Variants in NRXN3 observed in about 807,000 individuals in gnomAD.
The protein encoded by NRXN3 is neurexin 3, also known as neurexin III.
Under a neutral mutation model 137.6 loss-of-function variants are expected in NRXN3, and 32 were observed. That is an observed-to-expected ratio of 0.23 (90% CI 0.18 to 0.31). The LOEUF is 0.31. Among genes scored for constraint, NRXN3 ranks in the 10% least tolerant of loss-of-function variants. The probability of loss-of-function intolerance (pLI) is 1.00; values close to 1 mark genes in which losing one functional copy is unlikely to be tolerated. For missense variants in NRXN3, 1,574 were observed against 2,062.5 expected, an observed-to-expected ratio of 0.76 and a Z score of 4.59; for synonymous variants, 798 against 784.5, an observed-to-expected ratio of 1.02 and a Z score of -0.29.
chr14:78,491,239 C>T (rs562909315), intron 4 of NRXN3, among the ~76,000 whole-genome samples: 13 of 152,222 alleles, frequency 8.5e-5, no homozygotes, highest in African/African-American at 2.2e-4. Flanking sequence ...TTATGAGTCT[C>T]GTAAACCTGC....
intron 19 of NRXN3, among the ~76,000 whole-genome samples, chr14:79,717,462 T>A (rs2098827496): frequency 6.6e-6 from 1 of 152,218 alleles, no homozygotes; most frequent in Admixed American, 6.5e-5. Context: ...TGTAGTAAGA[T>A]CTTCAGGAAA....
At chr14:78,954,212 CT>C (rs1319534953) in intron 10 of NRXN3, among the ~76,000 whole-genome samples, 6 of 152,120 alleles carry the variant, frequency 3.9e-5, no homozygotes, top group Non-Finnish European at 8.8e-5. Context: ...ATCACTTTTC[CT>C]CTGTAGAATG....
chr14:79,411,601 C>T (rs2095417568), intron 15 of NRXN3, among the ~76,000 whole-genome samples: 2 of 152,028 alleles, frequency 1.3e-5, no homozygotes. Flanking sequence ...TTTTAAACAA[C>T]CATGTTATAC....
intron 20 of NRXN3, among the ~76,000 whole-genome samples, chr14:79,815,908 T>G (rs2140935081): frequency 6.6e-6 from 1 of 152,284 alleles, no homozygotes; most frequent in East Asian, 1.9e-4. Flanking sequence ...TTTTAAGTTT[T>G]TAATTACCTG....
intron 15 of NRXN3, among the ~76,000 whole-genome samples, chr14:79,230,575 G>T (rs986699918): frequency 1.3e-5 from 2 of 152,170 alleles, no homozygotes; most frequent in Non-Finnish European, 2.9e-5. Flanking sequence ...ATTCTCCATG[G>T]AAGTAGCTGC....
chr14:79,767,597 G>T (rs948564690), intron 19 of NRXN3, among the ~76,000 whole-genome samples: 1 of 152,034 alleles, frequency 6.6e-6, no homozygotes, highest in African/African-American at 2.4e-5. Flanking sequence ...CATCAGCTGG[G>T]GTACTTATCA....
At chr14:78,320,806 T>A (rs1400967592) in intron 4 of NRXN3, among the ~76,000 whole-genome samples, 1 of 152,166 alleles carries the variant, frequency 6.6e-6, no homozygotes, top group Non-Finnish European at 1.5e-5. Context: ...TTAAAGAGAT[T>A]CAGCATCTCA....
chr14:79,480,701 G>T (rs1277670539), intron 16 of NRXN3, among the ~76,000 whole-genome samples: 2 of 152,268 alleles, frequency 1.3e-5, no homozygotes, highest in African/African-American at 4.8e-5. Flanking sequence ...CTTGGAGGGA[G>T]GTGGTTGGAT....
chr14:78,529,845 C>T (rs1426332002), intron 4 of NRXN3, among the ~76,000 whole-genome samples: 5 of 152,172 alleles, frequency 3.3e-5, no homozygotes, highest in African/African-American at 1.2e-4. Context: ...CTTTTGGTAA[C>T]TGACTTTTAT....
Position 78,182,341 on chromosome 14 carries a change from C to A in NRXN3, c.-704+11667C>A, listed in dbSNP as rs117615096. ...AGGCTCTCCTACACTTAACATCCCACCGAGATGTTTTTGCTGAGAACTGAA... is the reference window on the plus strand; with the variant it reads ...AGGCTCTCCTACACTTAACATCCCAACGAGATGTTTTTGCTGAGAACTGAA... On this transcript the variant is annotated intron_variant, in intron 1 of 20. Coordinates refer to ENST00000335750, the MANE Select transcript of NRXN3 (RefSeq NM_001330195.2). Among the ~76,000 whole-genome samples, 1,129 of 152,188 alleles carry A rather than the reference C, an allele frequency of 7.4e-3. 14 individuals are homozygous for A. Among genetic ancestry groups the A allele is most frequent in the Middle Eastern group, 0.031 (9 of 294 alleles).
Position 78,746,952 on chromosome 14 carries a change from C to T in NRXN3, c.2044+31813C>T, listed in dbSNP as rs372020422. Among the ~76,000 whole-genome samples, 3 of 152,056 alleles carry T rather than the reference C, an allele frequency of 2.0e-5. No individual in the cohort carries two copies. The South Asian group carries it at 6.2e-4, about 32-fold the overall frequency. On this transcript the variant is annotated intron_variant, in intron 8 of 20. Transcript: ENST00000335750. ...ACATATGCATAAAAGTACATGGATG[C>T]CTGGCTCTGGGCTGATTAATGATCT... is the stretch of plus-strand genomic sequence containing the variant.
At chr14:79,096,177 G>A (rs571474322) in intron 15 of NRXN3, among the ~76,000 whole-genome samples, 7 of 150,594 alleles carry the variant, frequency 4.6e-5, no homozygotes, top group Middle Eastern at 3.4e-3. Context: ...GCACCATCTC[G>A]GCTCACTGCA....
chr14:78,460,319 A>T (rs1488391669), intron 4 of NRXN3, among the ~76,000 whole-genome samples: 1 of 152,206 alleles, frequency 6.6e-6, no homozygotes, highest in Admixed American at 6.5e-5. Flanking sequence ...ATTGGGGATC[A>T]ACTCAATCTT....
chr14:78,304,317 A>T (rs1417829087), intron 4 of NRXN3, among the ~76,000 whole-genome samples: 1 of 152,258 alleles, frequency 6.6e-6, no homozygotes, highest in African/African-American at 2.4e-5. Flanking sequence ...AGAGAAAAGA[A>T]GGACTATGCC....
chr14:78,327,985 G>C (rs1302946741), intron 4 of NRXN3, among the ~76,000 whole-genome samples: 2 of 152,144 alleles, frequency 1.3e-5, no homozygotes, highest in Non-Finnish European at 2.9e-5. Context: ...AAAATGGCTA[G>C]TGCTTTTCCT....
At chr14:79,197,412 C>T (rs1236048278) in intron 15 of NRXN3, among the ~76,000 whole-genome samples, 1 of 152,112 alleles carries the variant, frequency 6.6e-6, no homozygotes, top group Non-Finnish European at 1.5e-5. Context: ...GAGTGTGGTT[C>T]TCAGTTGCTG....
At chr14:79,048,149 GGAGA>G (rs1173528701) in intron 15 of NRXN3, among the ~76,000 whole-genome samples, 2 of 152,096 alleles carry the variant, frequency 1.3e-5, no homozygotes, top group Admixed American at 1.3e-4. Context: ...ATATTTTTGT[GGAGA>G]GAAAGACACC....
At chr14:79,679,696 G>GA (rs377639271) in intron 17 of NRXN3, among the ~76,000 whole-genome samples, 3 of 152,012 alleles carry the variant, frequency 2.0e-5, no homozygotes, top group Admixed American at 6.6e-5. Context: ...AATTTCATAG[G>GA]AAAAAAATAC....
intron 15 of NRXN3, among the ~76,000 whole-genome samples, chr14:79,179,862 C>T (rs1596914800): frequency 6.6e-6 from 1 of 152,282 alleles, no homozygotes; most frequent in East Asian, 1.9e-4. Context: ...GGATAATTCC[C>T]CTCAGGTGGA....
Sources: gnomAD v4.1 joint callset for allele counts (sites outside exome capture counted in the v4.1 genomes callset) on GRCh38, gnomAD v4.1.1 for gene constraint, MANE v1.5 for transcripts, NCBI Gene and HGNC (gene_info 2026-07-23, HGNC 2026-07-21) for gene names.